Variants in EPM2A observed in about 807,000 individuals in gnomAD.
EPM2A encodes the protein laforin.
In EPM2A, 21 loss-of-function variants were observed where a neutral mutation model predicts 26.5. That is an observed-to-expected ratio of 0.79 (90% confidence interval 0.56 to 1.14). The LOEUF (loss-of-function observed/expected upper bound fraction) is 1.14. Ranked by LOEUF, EPM2A falls within the 50% of genes most tolerant of loss-of-function variation. EPM2A has a pLI of 0.00. For missense variants in EPM2A, 458 were observed against 440.8 expected (o/e 1.04, Z -0.35); for synonymous variants, 217 against 177.6 (o/e 1.22, Z -1.76).
intron 2 of EPM2A, among the ~76,000 whole-genome samples, chr6:145,561,805 G>A (rs969725961): frequency 2.6e-5 from 4 of 152,088 alleles, no homozygotes; most frequent in African/African-American, 9.7e-5. Context: ...CCTGGTTGTT[G>A]TTTACATGTT....
intron 4 of EPM2A, among the ~76,000 whole-genome samples, chr6:145,466,460 T>C (rs574341151): frequency 2.6e-4 from 40 of 152,106 alleles, no homozygotes; most frequent in African/African-American, 9.4e-4. Context: ...TTCACACCAG[T>C]TAGAATGGCA....
At chr6:145,669,837 C>T (rs988406587) in intron 2 of EPM2A, among the ~76,000 whole-genome samples, 1 of 152,180 alleles carries the variant, frequency 6.6e-6, no homozygotes, top group Non-Finnish European at 1.5e-5. Context: ...TGAGTCAGTA[C>T]ATTTATATTC....
At chr6:145,553,628 T>C (rs1161734435) in intron 2 of EPM2A, among the ~76,000 whole-genome samples, 1 of 151,918 alleles carries the variant, frequency 6.6e-6, no homozygotes, top group Non-Finnish European at 1.5e-5. Context: ...GAGCTAGCAT[T>C]TCACATCAAA....
chr6:145,719,768 C>A (rs948188474), intron 1 of EPM2A, among the ~76,000 whole-genome samples: 4 of 152,076 alleles, frequency 2.6e-5, no homozygotes, highest in African/African-American at 9.7e-5. Flanking sequence ...TATCCCAGTA[C>A]CTATCACAAT....
At chr6:145,480,200 A>T (rs2114732655) in intron 4 of EPM2A, among the ~76,000 whole-genome samples, 1 of 151,214 alleles carries the variant, frequency 6.6e-6, no homozygotes, top group Admixed American at 6.6e-5. Flanking sequence ...AAGAGGTTTG[A>T]CTCACAGTTC....
At chr6:145,411,131 GAAT>G (rs1325332798) in intron 4 of EPM2A, among the ~76,000 whole-genome samples, 3 of 152,148 alleles carry the variant, frequency 2.0e-5, no homozygotes, top group Non-Finnish European at 4.4e-5. Context: ...GCCTGCCACA[GAAT>G]AATAGAAGCA....
chr6:145,669,231 A>T (rs141119236), intron 2 of EPM2A, among the ~76,000 whole-genome samples: 1 of 152,346 alleles, frequency 6.6e-6, no homozygotes, highest in African/African-American at 2.4e-5. Context: ...CATGTTTCAT[A>T]AAAAAGTCTG....
chr6:145,495,113 G>A (rs1475499559), intron 4 of EPM2A, among the ~76,000 whole-genome samples: 1 of 152,140 alleles, frequency 6.6e-6, no homozygotes, highest in Admixed American at 6.5e-5. Flanking sequence ...CATTGTGTAG[G>A]AGTCTAAGTC....
intron 2 of EPM2A, among the ~76,000 whole-genome samples, chr6:145,684,430 C>G (rs1017893318): frequency 2.6e-5 from 4 of 152,122 alleles, no homozygotes; most frequent in Admixed American, 1.3e-4. Flanking sequence ...TAAACATATC[C>G]TCATTAAATG....
At chr6:145,657,087 T>A (rs1778347412) in intron 2 of EPM2A, among the ~76,000 whole-genome samples, 2 of 131,636 alleles carry the variant, frequency 1.5e-5, no homozygotes, top group East Asian at 5.1e-4. Context: ...CCGTCATTTT[T>A]CCTTTTTTTT....
At position 145,620,193 on chromosome 6, in the gene EPM2A, T is replaced by C. The variant is rs539098504; in HGVS notation, c.340+15052A>G. ...TCCATGGACAGGGAGGCGAGGGGAG[T>C]ATGGTTTTGGGATGACACTGTTCCA... On this transcript the variant is annotated intron_variant, in intron 2 of 3. Transcript: ENST00000450221. Among the ~76,000 whole-genome samples, 12 of 151,638 alleles carry C rather than the reference T, an allele frequency of 7.9e-5. 1 individual carries two copies. The East Asian group carries it at 2.3e-3, about 29-fold the overall frequency.
chr6:145,424,495 T>G (rs1778827703), intron 4 of EPM2A, among the ~76,000 whole-genome samples: 1 of 152,190 alleles, frequency 6.6e-6, no homozygotes, highest in Non-Finnish European at 1.5e-5. Flanking sequence ...TGTATTCTAC[T>G]GTGTGAAGAA....
intron 4 of EPM2A, among the ~76,000 whole-genome samples, chr6:145,445,114 C>T (rs889726075): frequency 1.3e-5 from 2 of 152,058 alleles, no homozygotes; most frequent in African/African-American, 4.8e-5. Context: ...CTGCCTTAGC[C>T]TTCATTTTCT....
In EPM2A at chr6:145,388,407, T is replaced by C. The variant is rs141651077; in HGVS notation, c.556-4310A>G. 8.3e-4 allele frequency among the ~76,000 whole-genome samples: 126 copies of C among 152,312 alleles called. 1 individual carries two copies. The highest frequency in any genetic ancestry group is 2.8e-3 in the African/African-American group (117 of 41,580). Reference sequence around the variant, plus strand: ...AGCTGTTTCTTGAAGTTACCAGGCATGTGCACTAGTTACATCTTTGCATTG... The same window carrying C: ...AGCTGTTTCTTGAAGTTACCAGGCACGTGCACTAGTTACATCTTTGCATTG... On this transcript the variant is annotated intron_variant, in intron 4 of 4. Transcript: ENST00000638717.
At chr6:145,683,874 C>T (rs702317) in intron 2 of EPM2A, among the ~76,000 whole-genome samples, 94,627 of 151,960 alleles carry the variant, frequency 0.62, 29,841 homozygotes, top group East Asian at 0.74. Context: ...CCATATACAA[C>T]AATCAACCTA....
At chr6:145,676,865 T>A (rs1332810387) in intron 2 of EPM2A, among the ~76,000 whole-genome samples, 1 of 152,150 alleles carries the variant, frequency 6.6e-6, no homozygotes, top group Non-Finnish European at 1.5e-5. Flanking sequence ...GAGGAGCTGG[T>A]ATCATTCCTT....
chr6:145,625,515 C>T lies in EPM2A; in HGVS notation c.*1901G>A, dbSNP rs1176733704. ...AAATTATGAAGCTGGATTTCTTAGA[C>T]ATTAAAGAAATTCACAGACCCACAT... On this transcript the variant is annotated 3_prime_UTR_variant, in exon 4 of 4. Transcript: ENST00000367519. 4 of 563,254 alleles carry T rather than the reference C, an allele frequency of 7.1e-6. No homozygotes were observed. Among genetic ancestry groups the T allele is most frequent in the Non-Finnish European group, 3.2e-6 (1 of 316,066 alleles). The allele number at this position is 563,254 out of a possible 1,614,324, so 34.9% of individuals were successfully genotyped here.
chr6:145,623,206 G>C (rs1287003517), downstream of EPM2A, among the ~76,000 whole-genome samples: 1 of 152,206 alleles, frequency 6.6e-6, no homozygotes, highest in Non-Finnish European at 1.5e-5. Flanking sequence ...ATAATGCAGT[G>C]AAGCTTACAT....
chr6:145,689,538 T>C (rs951769389), intron 1 of EPM2A, among the ~76,000 whole-genome samples: 2 of 152,134 alleles, frequency 1.3e-5, no homozygotes, highest in Admixed American at 6.5e-5. Context: ...TATCCCAGAC[T>C]TAGATCTGAA....
Sources: gnomAD v4.1 joint callset for allele counts (sites outside exome capture counted in the v4.1 genomes callset) on GRCh38, gnomAD v4.1.1 for gene constraint, MANE v1.5 for transcripts, NCBI Gene and HGNC (gene_info 2026-07-23, HGNC 2026-07-21) for gene names.